Variants in SBF2 observed in about 807,000 individuals in gnomAD.
The protein encoded by SBF2 is myotubularin-related protein 13.
A neutral mutation model predicts 225.2 loss-of-function variants in SBF2; 112 were observed. That is an observed-to-expected ratio of 0.50 (90% CI 0.43 to 0.58). SBF2 has a LOEUF of 0.58. Among genes scored for constraint, SBF2 ranks in the 20% least tolerant of loss-of-function variants. The probability of loss-of-function intolerance (pLI) is 0.00; values close to 1 mark genes in which losing one functional copy is unlikely to be tolerated. For synonymous variants in SBF2, 763 were observed against 773.3 expected (o/e 0.99, Z 0.22); for missense variants, 1,996 against 2,206.2 (o/e 0.90, Z 1.91).
chr11:9,974,523 C>G (rs16907329), intron 13 of SBF2, among the ~76,000 whole-genome samples: 17,652 of 151,718 alleles, frequency 0.12, 1,152 homozygotes, highest in East Asian at 0.3. Flanking sequence ...GTCACAAGTA[C>G]GAAGGCAACA....
chr11:10,179,226 G>A (rs1345585972), intron 2 of SBF2, among the ~76,000 whole-genome samples: 1 of 151,582 alleles, frequency 6.6e-6, no homozygotes, highest in East Asian at 1.9e-4. Context: ...GATAGCATTG[G>A]GAGATATATC....
At chr11:10,104,314 C>G (rs1469022119) in intron 2 of SBF2, among the ~76,000 whole-genome samples, 1 of 152,122 alleles carries the variant, frequency 6.6e-6, no homozygotes, top group East Asian at 1.9e-4. Flanking sequence ...AAAAAGGAAA[C>G]AGTACCAGCC....
At chr11:9,889,963 G>C (rs1171067524) in intron 17 of SBF2, among the ~76,000 whole-genome samples, 1 of 152,038 alleles carries the variant, frequency 6.6e-6, no homozygotes, top group Non-Finnish European at 1.5e-5. Flanking sequence ...GAGTGCAATG[G>C]CGTAATCTCG....
intron 1 of SBF2, among the ~76,000 whole-genome samples, chr11:10,260,702 CAAAAAAA>C (rs56816687): frequency 6.6e-5 from 4 of 60,890 alleles, no homozygotes; most frequent in African/African-American, 2.4e-4. Flanking sequence ...GATTCCATCT[CAAAAAAA>C]AAAAAAAAAA....
intron 2 of SBF2, among the ~76,000 whole-genome samples, chr11:10,098,920 C>T (rs1952165103): frequency 1.3e-5 from 2 of 150,644 alleles, no homozygotes; most frequent in Admixed American, 1.3e-4. Context: ...ATGAACCAAA[C>T]CAAAATATGC....
chr11:10,254,356 G>A (rs1045549530), intron 1 of SBF2, among the ~76,000 whole-genome samples: 6 of 151,390 alleles, frequency 4.0e-5, no homozygotes, highest in African/African-American at 9.7e-5. Context: ...ACTCCAGCCT[G>A]GGCAACAGAG....
chr11:9,934,737 C>G (rs1864756563), intron 16 of SBF2, among the ~76,000 whole-genome samples: 1 of 152,136 alleles, frequency 6.6e-6, no homozygotes, highest in Non-Finnish European at 1.5e-5. Flanking sequence ...CAGAAAAGGC[C>G]TTTGACAAAA....
At chr11:9,913,886 G>T (rs1862857023) in intron 16 of SBF2, among the ~76,000 whole-genome samples, 1 of 152,168 alleles carries the variant, frequency 6.6e-6, no homozygotes, top group Non-Finnish European at 1.5e-5. Context: ...TGTTTAAGTA[G>T]AGACAGGGTC....
At chr11:10,147,836 T>A (rs1425347689) in intron 2 of SBF2, among the ~76,000 whole-genome samples, 1 of 152,304 alleles carries the variant, frequency 6.6e-6, no homozygotes, top group East Asian at 1.9e-4. Context: ...CTATTGTCCA[T>A]CAGAATGAAA....
intron 6 of SBF2, among the ~76,000 whole-genome samples, chr11:10,018,894 C>A (rs61877041): frequency 0.03 from 4,495 of 152,250 alleles, 129 homozygotes; most frequent in Non-Finnish European, 0.038. Context: ...TCAGGCTTCA[C>A]CAAACATCTT....
chr11:10,271,923 A>G lies in SBF2; in HGVS notation c.55+22092T>C, dbSNP rs1311371156. On this transcript the variant is annotated intron_variant, in intron 1 of 39. Coordinates refer to ENST00000256190, the MANE Select transcript of SBF2 (RefSeq NM_030962.4). ...CTCATGAATATCTGTGATTTTGGCT[A>G]TAGGACCAGGCCACAGGAAAGGGCT... 8 of 463,886 alleles carry G rather than the reference A, an allele frequency of 1.7e-5. 2 individuals are homozygous for G. In the East Asian group the frequency reaches 2.6e-4, roughly 15 times the overall value. The allele number at this position is 463,886 out of a possible 1,614,324, so 28.7% of individuals were successfully genotyped here. A position where few individuals can be genotyped will look rare whatever the true frequency, so the allele number is the denominator to read the frequency against.
chr11:9,921,956 C>T (rs1344852983), intron 16 of SBF2, among the ~76,000 whole-genome samples: 1 of 152,138 alleles, frequency 6.6e-6, no homozygotes, highest in African/African-American at 2.4e-5. Context: ...ATCAGAAAAG[C>T]CTTCACGGGC....
chr11:10,213,420 T>C (rs1460557308), intron 1 of SBF2, among the ~76,000 whole-genome samples: 2 of 152,176 alleles, frequency 1.3e-5, no homozygotes, highest in Admixed American at 6.5e-5. Context: ...GAACCAAATC[T>C]AAAATCTCTC....
chr11:10,029,202 T>C (rs1358911108), intron 5 of SBF2, among the ~76,000 whole-genome samples: 1 of 152,232 alleles, frequency 6.6e-6, no homozygotes, highest in Non-Finnish European at 1.5e-5. Context: ...TTTAAAAGTA[T>C]GGTTGACCAA....
Position 9,840,812 on chromosome 11 carries a change from C to T in SBF2, c.3257-1116G>A, listed in dbSNP as rs116557596. ...TATTTTTGTTAGAGGATGTGGTGTA[C>T]GTGGGAAATCCCCTCACAGTTTTAC... is the stretch of plus-strand genomic sequence containing the variant. On this transcript the variant is annotated intron_variant, in intron 25 of 39. Coordinates refer to ENST00000256190, the MANE Select transcript of SBF2 (RefSeq NM_030962.4). 5.5e-3 allele frequency among the ~76,000 whole-genome samples: 838 copies of T among 152,064 alleles called. 4 individuals carry two copies. Among genetic ancestry groups the T allele is most frequent in the African/African-American group, 0.019 (772 of 41,492 alleles).
rs572571832 is a variant in SBF2 at position 9,787,648 on chromosome 11, GTTC to G, written c.5020_5022del (p.Glu1674del). The G allele has an allele frequency of 1.0e-3, 1,628 of 1,613,996 alleles. 3 individuals are homozygous for G. The highest frequency in any genetic ancestry group is 1.2e-3 in the Non-Finnish European group (1,396 of 1,179,968). ...TGCCAACTCACGCGATCTGTTCTTG[GTTC>G]TTCTTTAAGGTCCACGGTTACCCTT... On this transcript the variant is annotated inframe_deletion, in exon 36 of 40. Coordinates refer to ENST00000256190, the MANE Select transcript of SBF2 (RefSeq NM_030962.4).
chr11:10,291,657 AACACACACACACACACACACACACAC>A, intron 1 of SBF2, among the ~76,000 whole-genome samples: 1 of 146,078 alleles, frequency 6.8e-6, no homozygotes, highest in African/African-American at 2.6e-5. Flanking sequence ...TAATCCACTA[AACACACACACACACACACACACACAC>A]ACACACACAC....
intron 2 of SBF2, among the ~76,000 whole-genome samples, chr11:10,117,811 C>T (rs1446275391): frequency 6.6e-6 from 1 of 151,058 alleles, no homozygotes; most frequent in Non-Finnish European, 1.5e-5. Context: ...CAATATGACT[C>T]CATTTGGGAT....
chr11:10,186,006 G>T lies in SBF2; in HGVS notation c.141+7896C>A, dbSNP rs570666635. Among the ~76,000 whole-genome samples the T allele has an allele frequency of 2.0e-4, 31 of 152,258 alleles. No homozygotes were observed. The South Asian group carries it at 5.6e-3, about 27-fold the overall frequency. On this transcript the variant is annotated intron_variant, in intron 2 of 39. Coordinates refer to ENST00000256190, the MANE Select transcript of SBF2 (RefSeq NM_030962.4). ...ACAGTTACCCTAGTTTCAGATTAAG[G>T]ATAAGATAAATTGCTGAAACTGAAA...
Sources: allele counts gnomAD v4.1 joint callset (sites outside exome capture counted in the v4.1 genomes callset), GRCh38; gene constraint gnomAD v4.1.1; transcripts MANE v1.5; gene names NCBI Gene and HGNC (gene_info 2026-07-23, HGNC 2026-07-21).